LINGO1: variants seen among roughly 807,000 people sequenced by gnomAD.
LINGO1 encodes leucine rich repeat and Ig domain containing 1.
A neutral mutation model predicts 37.3 loss-of-function variants in LINGO1; 11 were observed. That is an observed-to-expected ratio of 0.29 (90% confidence interval 0.19 to 0.49). The LOEUF (loss-of-function observed/expected upper bound fraction) is 0.49, where lower values mean the gene tolerates loss of function less well. Among genes scored for constraint, LINGO1 ranks in the 20% least tolerant of loss-of-function variants. The pLI is 0.99. For missense variants in LINGO1, 585 were observed against 878.2 expected, an observed-to-expected ratio of 0.67 and a Z score of 4.22; for synonymous variants, 387 against 403.0, an observed-to-expected ratio of 0.96 and a Z score of 0.48.
At chr15:77,709,755 G>A (rs2075895705) in intron 2 of LINGO1, among the ~76,000 whole-genome samples, 1 of 152,222 alleles carries the variant, frequency 6.6e-6, no homozygotes, top group Non-Finnish European at 1.5e-5. Context: ...TCTCAGACAT[G>A]ACTTGGCTTA....
intron 1 of LINGO1, among the ~76,000 whole-genome samples, chr15:77,630,061 T>C (rs28733160): frequency 0.15 from 23,261 of 151,674 alleles, 3,550 homozygotes; most frequent in African/African-American, 0.39. Flanking sequence ...ACCATGGAGG[T>C]GGGTGGGGCT....
intron 1 of LINGO1, among the ~76,000 whole-genome samples, chr15:77,780,870 A>G (rs2076710369): frequency 6.6e-6 from 1 of 151,906 alleles, no homozygotes; most frequent in Non-Finnish European, 1.5e-5. Flanking sequence ...CGGCACCCTG[A>G]TCTCAGACTT....
At chr15:77,775,160 C>G (rs2076624796) in intron 1 of LINGO1, among the ~76,000 whole-genome samples, 1 of 152,164 alleles carries the variant, frequency 6.6e-6, no homozygotes, top group Non-Finnish European at 1.5e-5. Flanking sequence ...CCCCTTTCTC[C>G]ACCAAGAACT....
rs368204092 is a variant in LINGO1 at position 77,711,924 on chromosome 15, C to T, written c.-194-21023G>A. ...CGACATTCTGCAGATGATTTCTGCT[C>T]GGCCAGGGCAGGCTGATGTGCTCCC... On this transcript the variant is annotated intron_variant, in intron 2 of 3. Coordinates refer to the LINGO1 transcript ENST00000561686. Among the ~76,000 whole-genome samples the T allele has an allele frequency of 2.3e-3, 352 of 152,208 alleles. 11 individuals are homozygous for T. The South Asian group carries it at 0.069, about 30-fold the overall frequency.
chr15:77,816,058 T>A (rs1465651609), intron 1 of LINGO1, among the ~76,000 whole-genome samples: 1 of 152,172 alleles, frequency 6.6e-6, no homozygotes, highest in Non-Finnish European at 1.5e-5. Context: ...TTACTGAGCA[T>A]AGATCAAGTG....
At chr15:77,758,052 T>C (rs531963890) in intron 1 of LINGO1, among the ~76,000 whole-genome samples, 2 of 152,342 alleles carry the variant, frequency 1.3e-5, no homozygotes, top group African/African-American at 2.4e-5. Flanking sequence ...AAAGTGAGGC[T>C]AATTTAAACA....
intron 1 of LINGO1, among the ~76,000 whole-genome samples, chr15:77,810,884 C>A (rs1387676627): frequency 2.0e-5 from 3 of 152,174 alleles, no homozygotes; most frequent in Admixed American, 6.5e-5. Context: ...GGAGTCCAGG[C>A]TCGGGCAGGA....
At chr15:77,798,568 C>T (rs565028113) in intron 1 of LINGO1, among the ~76,000 whole-genome samples, 46 of 152,364 alleles carry the variant, frequency 3.0e-4, no homozygotes, top group Admixed American at 3.0e-3. Context: ...ACAGGCAGAG[C>T]GTGACAATGA....
chr15:77,798,101 C>G (rs2076888139), intron 1 of LINGO1, among the ~76,000 whole-genome samples: 1 of 152,188 alleles, frequency 6.6e-6, no homozygotes, highest in Non-Finnish European at 1.5e-5. Flanking sequence ...CCAAACTAGG[C>G]CCCTGTTGCC....
chr15:77,803,125 C>T (rs1325864075), intron 1 of LINGO1, among the ~76,000 whole-genome samples: 1 of 152,330 alleles, frequency 6.6e-6, no homozygotes, highest in East Asian at 1.9e-4. Flanking sequence ...TGGAGTGAAG[C>T]CCCTCTGGTA....
At chr15:77,784,269 G>C (rs2076750336) in intron 1 of LINGO1, among the ~76,000 whole-genome samples, 1 of 152,234 alleles carries the variant, frequency 6.6e-6, no homozygotes, top group Admixed American at 6.5e-5. Flanking sequence ...GAGCCAGCAG[G>C]AGAGAGCAGA....
At position 77,632,853 on chromosome 15, in the gene LINGO1, G is replaced by A. The variant is rs996463802; in HGVS notation, c.-538C>T. Among the ~76,000 whole-genome samples the A allele has an allele frequency of 2.0e-5, 3 of 149,618 alleles. No individual in the cohort carries two copies. The highest frequency in any genetic ancestry group is 1.5e-5 in the Non-Finnish European group (1 of 67,118). On this transcript the variant is annotated 5_prime_UTR_variant, in exon 1 of 2. Transcript: ENST00000355300. This position sits in a 1 kb window ranked among gnomAD's most constrained non-coding sequence, Gnocchi z 6.0. ...GCGCTGTCGCCCGCCGCCCGCTCCG[G>A]CTCCCGCGCCGGCTCCCGCTCGGGC... is the stretch of plus-strand genomic sequence containing the variant.
At chr15:77,749,150 C>T (rs184762339) in intron 1 of LINGO1, among the ~76,000 whole-genome samples, 64 of 152,022 alleles carry the variant, frequency 4.2e-4, no homozygotes, top group Non-Finnish European at 2.5e-4. Flanking sequence ...TTAGGTGATC[C>T]GCCTGCCTCG....
At chr15:77,678,455 T>C (rs1677604043) in intron 2 of LINGO1, among the ~76,000 whole-genome samples, 1 of 152,244 alleles carries the variant, frequency 6.6e-6, no homozygotes, top group South Asian at 2.1e-4. Context: ...CTGGTTTCGT[T>C]CACCCAGCAT....
intron 1 of LINGO1, among the ~76,000 whole-genome samples, chr15:77,695,353 T>C (rs2075673227): frequency 6.6e-6 from 1 of 151,222 alleles, no homozygotes; most frequent in African/African-American, 2.4e-5. Flanking sequence ...AAAGAAAGGA[T>C]AAAGAGAGCA....
chr15:77,678,497 G>C (rs1295027446), intron 2 of LINGO1, among the ~76,000 whole-genome samples: 1 of 152,190 alleles, frequency 6.6e-6, no homozygotes, highest in Non-Finnish European at 1.5e-5. Context: ...TATCTGTGTT[G>C]CCTCTTGAAT....
At chr15:77,723,004 G>C (rs1286645489) in intron 2 of LINGO1, among the ~76,000 whole-genome samples, 1 of 152,198 alleles carries the variant, frequency 6.6e-6, no homozygotes, top group Non-Finnish European at 1.5e-5. Context: ...GACAGGTCGG[G>C]GGCCCTCAGG....
intron 3 of LINGO1, among the ~76,000 whole-genome samples, chr15:77,675,137 G>A (rs1178376806): frequency 1.3e-5 from 2 of 152,164 alleles, no homozygotes; most frequent in African/African-American, 2.4e-5. Context: ...CCTATGATTG[G>A]CAAGGGTGAG....
intron 3 of LINGO1, among the ~76,000 whole-genome samples, chr15:77,670,912 G>A (rs1170064627): frequency 6.6e-6 from 1 of 152,200 alleles, no homozygotes; most frequent in Admixed American, 6.5e-5. Context: ...TGATGGACAA[G>A]CACCACCCCT....
Sources: gnomAD v4.1 joint callset for allele counts (sites outside exome capture counted in the v4.1 genomes callset) on GRCh38, gnomAD v4.1.1 for gene constraint, Gnocchi (gnomAD v3.1) non-coding constraint, MANE v1.5 for transcripts, NCBI Gene and HGNC (gene_info 2026-07-23, HGNC 2026-07-21) for gene names.